TRPC4: variants seen among roughly 807,000 people sequenced by gnomAD.
The protein encoded by TRPC4 is transient receptor potential cation channel subfamily C member 4, also known as short transient receptor potential channel 4.
Under a neutral mutation model 99.4 loss-of-function variants are expected in TRPC4, and 49 were observed. The observed-to-expected ratio is 0.49, with a 90% CI of 0.39 to 0.63. TRPC4 has a LOEUF of 0.63. Ranked by LOEUF, TRPC4 falls within the 20% of genes least tolerant of loss-of-function variation. TRPC4 has a pLI of 0.00. For missense variants in TRPC4, 898 were observed against 1,152.9 expected (o/e 0.78, Z 3.20); for synonymous variants, 454 against 425.9 (o/e 1.07, Z -0.81).
chr13:37,771,224 A>G (rs1318881586), intron 2 of TRPC4, among the ~76,000 whole-genome samples: 1 of 151,770 alleles, frequency 6.6e-6, no homozygotes, highest in East Asian at 1.9e-4. Flanking sequence ...TTTTGATCAC[A>G]GTAGGCAACC....
intron 8 of TRPC4, among the ~76,000 whole-genome samples, chr13:37,646,050 C>A (rs955752354): frequency 6.6e-6 from 1 of 152,176 alleles, no homozygotes; most frequent in African/African-American, 2.4e-5. Context: ...TTTGACAAAT[C>A]GCCACTATAA....
At chr13:37,868,446 C>T (rs544811675) in intron 1 of TRPC4, among the ~76,000 whole-genome samples, 4 of 152,238 alleles carry the variant, frequency 2.6e-5, no homozygotes, top group African/African-American at 9.6e-5. Flanking sequence ...CACTCTTACT[C>T]TCAATGTCTA....
intron 1 of TRPC4, among the ~76,000 whole-genome samples, chr13:37,787,379 T>A (rs1956998123): frequency 6.6e-6 from 1 of 152,060 alleles, no homozygotes; most frequent in Non-Finnish European, 1.5e-5. Flanking sequence ...TTTCCCCAAA[T>A]AGTGCATTCA....
chr13:37,709,679 A>G (rs1954409749), intron 3 of TRPC4, among the ~76,000 whole-genome samples: 1 of 151,946 alleles, frequency 6.6e-6, no homozygotes, highest in South Asian at 2.1e-4. Context: ...AACACCCTTC[A>G]CAGTGATGGG....
intron 3 of TRPC4, among the ~76,000 whole-genome samples, chr13:37,706,207 T>A (rs924842971): frequency 6.6e-6 from 1 of 152,214 alleles, no homozygotes; most frequent in South Asian, 2.1e-4. Flanking sequence ...CCGCTGAACA[T>A]AGCAGAAGGC....
rs146412490 is a variant in TRPC4, at chr13:37,643,692, G to A, written c.2080-4393C>T. ...TTAGATTGTAGTGGGAAATTAGCGT[G>A]GACTCTTAATGTAGAATTTCAGATG... On this transcript the variant is annotated intron_variant, in intron 8 of 10. Transcript: ENST00000379705. 9.4e-4 allele frequency among the ~76,000 whole-genome samples: 143 copies of A among 152,284 alleles called. 1 individual carries two copies. In the East Asian group the frequency reaches 0.024, roughly 26 times the overall value.
chr13:37,676,043 C>T (rs1953033638), intron 4 of TRPC4, among the ~76,000 whole-genome samples: 1 of 152,090 alleles, frequency 6.6e-6, no homozygotes, highest in Non-Finnish European at 1.5e-5. Context: ...CAACTCAGCT[C>T]CTGACTTATT....
Position 37,772,311 on chromosome 13 carries a change from A to T in TRPC4, c.378+10645T>A, listed in dbSNP as rs531654858. Reference sequence around the variant, plus strand: ...CTAAGAGGACCACCCCAATAAACAAATGTCAAAAAGAGTTGGGGGAAAGCA... The same window carrying T: ...CTAAGAGGACCACCCCAATAAACAATTGTCAAAAAGAGTTGGGGGAAAGCA... On this transcript the variant is annotated intron_variant, in intron 2 of 10. Coordinates refer to ENST00000379705, the MANE Select transcript of TRPC4 (RefSeq NM_016179.4). Among the ~76,000 whole-genome samples the T allele has an allele frequency of 2.6e-5, 4 of 151,858 alleles. No homozygotes were observed. In the East Asian group the frequency reaches 7.8e-4, roughly 30 times the overall value.
Position 37,637,366 on chromosome 13 carries a change from A to G in TRPC4, c.2471T>C (p.Val824Ala). 6.2e-7 allele frequency: 1 copy of G among 1,613,538 alleles called. No individual in the cohort carries two copies. The highest frequency in any genetic ancestry group is 1.1e-5 in the South Asian group (1 of 91,066). ...RHNISNGSALVVQEPPREKQR... is the reference protein window; with the variant it reads ...RHNISNGSALAVQEPPREKQR... Reference sequence around the variant, plus strand: ...CTTCTCCCTGGGCGGCTCCTGAACCACCAGGGCAGAGCCATTGCTTATGTT... The same window carrying G: ...CTTCTCCCTGGGCGGCTCCTGAACCGCCAGGGCAGAGCCATTGCTTATGTT... Residue 824 changes from valine to alanine, a missense_variant, in exon 11 of 11, where the codon GTG (valine) becomes GCG (alanine). Physicochemically the swap from Val to Ala is moderately conservative, Grantham distance 64. Coordinates refer to ENST00000379705, the MANE Select transcript of TRPC4 (RefSeq NM_016179.4).
intron 3 of TRPC4, among the ~76,000 whole-genome samples, chr13:37,744,734 A>G (rs1245347490): frequency 1.3e-5 from 2 of 152,150 alleles, no homozygotes; most frequent in African/African-American, 4.8e-5. Flanking sequence ...TTCTCTTTTC[A>G]TCTTACATAG....
chr13:37,754,690 T>C (rs983052599), intron 2 of TRPC4, among the ~76,000 whole-genome samples: 2 of 152,164 alleles, frequency 1.3e-5, no homozygotes, highest in African/African-American at 4.8e-5. Context: ...TTGTATTGTG[T>C]AACTAACCAT....
chr13:37,684,747 T>C (rs1253079398), intron 4 of TRPC4, among the ~76,000 whole-genome samples: 3 of 151,592 alleles, frequency 2.0e-5, no homozygotes, highest in East Asian at 1.9e-4. Context: ...AAAATAAATA[T>C]GCACAAAGAA....
At chr13:37,797,135 G>A (rs1473207935) in intron 1 of TRPC4, among the ~76,000 whole-genome samples, 2 of 151,418 alleles carry the variant, frequency 1.3e-5, no homozygotes, top group African/African-American at 2.4e-5. Flanking sequence ...AGCTGTGATC[G>A]TACCACTGCA....
chr13:37,819,894 A>C (rs1957966114), intron 1 of TRPC4, among the ~76,000 whole-genome samples: 1 of 151,972 alleles, frequency 6.6e-6, no homozygotes, highest in African/African-American at 2.4e-5. Context: ...GAACTAAAAA[A>C]ACAAGGGCCA....
intron 8 of TRPC4, among the ~76,000 whole-genome samples, chr13:37,647,457 G>C (rs1330554401): frequency 6.6e-6 from 1 of 152,160 alleles, no homozygotes. Flanking sequence ...ATCTGCAAAG[G>C]CTGCTGAGAA....
intron 1 of TRPC4, among the ~76,000 whole-genome samples, chr13:37,847,637 C>A (rs1958941249): frequency 6.6e-6 from 1 of 151,960 alleles, no homozygotes; most frequent in Non-Finnish European, 1.5e-5. Context: ...TGAATATGTA[C>A]AATTCTGCCT....
At chr13:37,856,667 A>G (rs1469586309) in intron 1 of TRPC4, among the ~76,000 whole-genome samples, 1 of 151,818 alleles carries the variant, frequency 6.6e-6, no homozygotes, top group Middle Eastern at 3.2e-3. Context: ...ATGATACATT[A>G]GAAAGGTCAT....
intron 1 of TRPC4, among the ~76,000 whole-genome samples, chr13:37,858,394 A>G (rs527725391): frequency 2.4e-4 from 36 of 151,704 alleles, no homozygotes; most frequent in Non-Finnish European, 3.4e-4. Flanking sequence ...CTGCTGTATG[A>G]TCCAGCAATT....
rs1566068849 is a variant in TRPC4 at position 37,651,460 on chromosome 13, C to G, written c.1885-1G>C. The G allele has an allele frequency of 6.2e-7, 1 of 1,613,500 alleles. No homozygotes were observed. Among genetic ancestry groups the G allele is most frequent in the Non-Finnish European group, 8.5e-7 (1 of 1,179,560 alleles). On this transcript the variant is annotated splice_acceptor_variant, in intron 7 of 10. Transcript: ENST00000379705. LOFTEE classifies it high-confidence loss of function. Reference sequence around the variant, plus strand: ...ATTTCCATTCTATATCTGCATGGTCCTGAACAGGAGAACATGACAACTGAT... The same window carrying G: ...ATTTCCATTCTATATCTGCATGGTCGTGAACAGGAGAACATGACAACTGAT...
Sources: gnomAD v4.1 joint callset for allele counts (sites outside exome capture counted in the v4.1 genomes callset) on GRCh38, gnomAD v4.1.1 for gene constraint, MANE v1.5 for transcripts, NCBI Gene and HGNC (gene_info 2026-07-23, HGNC 2026-07-21) for gene names.